The following CSMD1 variants were observed in gnomAD, a reference collection of about 807,000 sequenced individuals.
CSMD1 encodes CUB and sushi domain-containing protein 1.
Under a neutral mutation model 417.5 loss-of-function variants are expected in CSMD1, and 213 were observed. That is an observed-to-expected ratio of 0.51 (90% CI 0.46 to 0.57). The LOEUF is 0.57. CSMD1 is among the 20% of genes least tolerant of loss of function. CSMD1 has a pLI of 0.00. For synonymous variants in CSMD1, 2,862 were observed against 1,736.8 expected (o/e 1.65, Z -16.11); for missense variants, 6,923 against 4,529.7 (o/e 1.53, Z -15.17).
At chr8:4,591,009 C>A (rs1437678578) in intron 2 of CSMD1, among the ~76,000 whole-genome samples, 1 of 152,200 alleles carries the variant, frequency 6.6e-6, no homozygotes, top group Non-Finnish European at 1.5e-5. Flanking sequence ...GGCCTGCCTT[C>A]TTCCCTGCTG....
intron 3 of CSMD1, among the ~76,000 whole-genome samples, chr8:4,410,970 G>C (rs1210906619): frequency 6.6e-6 from 1 of 152,170 alleles, no homozygotes; most frequent in Non-Finnish European, 1.5e-5. Flanking sequence ...TATTGAAACA[G>C]TGGATTGTTA....
intron 1 of CSMD1, among the ~76,000 whole-genome samples, chr8:4,924,796 T>C (rs139205910): frequency 8.3e-4 from 124 of 148,962 alleles, no homozygotes; most frequent in Middle Eastern, 3.5e-3. Context: ...CTTTTTGACA[T>C]ATGTATCATA....
intron 18 of CSMD1, among the ~76,000 whole-genome samples, chr8:3,372,151 C>T (rs993043362): frequency 2.0e-5 from 3 of 151,998 alleles, no homozygotes; most frequent in African/African-American, 7.2e-5. Flanking sequence ...TTCTGGGTGG[C>T]CAGCGGTGCC....
intron 65 of CSMD1, among the ~76,000 whole-genome samples, chr8:2,953,176 T>C (rs758966696): frequency 3.3e-5 from 5 of 152,170 alleles, no homozygotes; most frequent in Non-Finnish European, 7.3e-5. Context: ...ACATGTTGCC[T>C]GGATAAAGAG....
At chr8:4,250,840 G>A (rs558484511) in intron 3 of CSMD1, among the ~76,000 whole-genome samples, 1 of 152,278 alleles carries the variant, frequency 6.6e-6, no homozygotes, top group East Asian at 1.9e-4. Context: ...TTTAGAATAT[G>A]TCAACACCTT....
At chr8:3,490,028 A>C (rs1818279865) in intron 11 of CSMD1, among the ~76,000 whole-genome samples, 1 of 152,202 alleles carries the variant, frequency 6.6e-6, no homozygotes, top group Non-Finnish European at 1.5e-5. Context: ...GCTGGGAAGA[A>C]TGTTTGCATA....
chr8:4,284,665 C>A (rs1292569438), intron 3 of CSMD1, among the ~76,000 whole-genome samples: 1 of 152,080 alleles, frequency 6.6e-6, no homozygotes, highest in Admixed American at 6.6e-5. Flanking sequence ...CCTGGAGGAT[C>A]CCCACAACAC....
rs558441306 is a variant in CSMD1 at position 3,086,161 on chromosome 8, T to C, written c.7474+936A>G. ...ACATTTAAAGCAAATGAGAAATATATCTTCTTCTAAAAGAAAAAGTATTCT... is the reference window on the plus strand; with the variant it reads ...ACATTTAAAGCAAATGAGAAATATACCTTCTTCTAAAAGAAAAAGTATTCT... On this transcript the variant is annotated intron_variant, in intron 49 of 69. Transcript: ENST00000635120. 2.1e-4 allele frequency among the ~76,000 whole-genome samples: 32 copies of C among 152,080 alleles called. No individual in the cohort carries two copies. In the South Asian group the frequency reaches 6.3e-3, roughly 30 times the overall value.
chr8:3,901,991 C>A (rs971926171), intron 5 of CSMD1, among the ~76,000 whole-genome samples: 3 of 152,064 alleles, frequency 2.0e-5, no homozygotes, highest in Non-Finnish European at 4.4e-5. Context: ...TTCTCTTATT[C>A]TTTCCCTCCT....
intron 3 of CSMD1, among the ~76,000 whole-genome samples, chr8:4,410,158 C>A (rs1479597221): frequency 6.6e-6 from 1 of 152,076 alleles, no homozygotes; most frequent in Non-Finnish European, 1.5e-5. Flanking sequence ...CTAATCTAGG[C>A]CAAATGGAAG....
At chr8:4,209,022 C>G (rs535894675) in intron 3 of CSMD1, among the ~76,000 whole-genome samples, 6 of 152,164 alleles carry the variant, frequency 3.9e-5, no homozygotes, top group Non-Finnish European at 8.8e-5. Context: ...CATAATGAAT[C>G]CAATTGTATT....
chr8:4,186,893 G>T (rs1293220314), intron 3 of CSMD1, among the ~76,000 whole-genome samples: 1 of 151,852 alleles, frequency 6.6e-6, no homozygotes, highest in Non-Finnish European at 1.5e-5. Context: ...CTACTCGGGA[G>T]GCTGAGGCAG....
chr8:4,912,350 C>A (rs1219501915), intron 1 of CSMD1, among the ~76,000 whole-genome samples: 2 of 88,122 alleles, frequency 2.3e-5, no homozygotes, highest in Non-Finnish European at 4.5e-5. Flanking sequence ...ATTAAGAAAT[C>A]ATTTTCTGCT....
chr8:3,792,168 C>T (rs985935343), intron 5 of CSMD1, among the ~76,000 whole-genome samples: 2 of 152,064 alleles, frequency 1.3e-5, no homozygotes, highest in African/African-American at 2.4e-5. Flanking sequence ...ATGGTGCACA[C>T]GTGTAGTCCC....
chr8:4,961,428 T>G (rs10090605), intron 1 of CSMD1, among the ~76,000 whole-genome samples: 55,447 of 152,036 alleles, frequency 0.36, 10,691 homozygotes, highest in Non-Finnish European at 0.42. Flanking sequence ...TCTTTACTCC[T>G]TGAAATGTCC....
intron 36 of CSMD1, among the ~76,000 whole-genome samples, chr8:3,183,671 C>A (rs1821571426): frequency 1.3e-5 from 2 of 152,232 alleles, no homozygotes; most frequent in South Asian, 4.1e-4. Context: ...CCTAATCTAT[C>A]CATCCCTGAA....
intron 15 of CSMD1, among the ~76,000 whole-genome samples, chr8:3,403,037 T>C (rs778694076): frequency 1.4e-4 from 21 of 152,162 alleles, no homozygotes; most frequent in Non-Finnish European, 2.8e-4. Context: ...TGTAAAATTA[T>C]AGTGGACTTT....
chr8:3,938,927 C>A (rs531968212), intron 5 of CSMD1, among the ~76,000 whole-genome samples: 4 of 152,192 alleles, frequency 2.6e-5, no homozygotes, highest in Non-Finnish European at 5.9e-5. Context: ...TTCTCAAACA[C>A]AGTAACATTT....
At chr8:4,362,938 G>C (rs976744667) in intron 3 of CSMD1, among the ~76,000 whole-genome samples, 2 of 152,150 alleles carry the variant, frequency 1.3e-5, no homozygotes, top group Non-Finnish European at 1.5e-5. Flanking sequence ...GTTAGGACAA[G>C]TCTATGTAAT....
Sources: gnomAD v4.1 joint callset for allele counts (sites outside exome capture counted in the v4.1 genomes callset) on GRCh38, gnomAD v4.1.1 for gene constraint, MANE v1.5 for transcripts, NCBI Gene and HGNC (gene_info 2026-07-23, HGNC 2026-07-21) for gene names.